MS4A13: variants seen among roughly 807,000 people sequenced by gnomAD.
MS4A13 encodes the protein membrane spanning 4-domains A13, also known as membrane-spanning 4-domains subfamily A member 13.
A neutral mutation model predicts 18.4 loss-of-function variants in MS4A13; 21 were observed. The observed-to-expected ratio is 1.14, with a 90% CI of 0.81 to 1.64. The LOEUF (loss-of-function observed/expected upper bound fraction) is 1.64. Among genes scored for constraint, MS4A13 ranks in the 40% most tolerant of loss-of-function variants. The pLI is 0.00. For missense variants in MS4A13, 173 were observed against 176.8 expected (o/e 0.98, Z 0.12); for synonymous variants, 62 against 57.2 (o/e 1.08, Z -0.38).
chr11:60,520,679 C>T (rs555569287), intron 3 of MS4A13, among the ~76,000 whole-genome samples: 4 of 152,342 alleles, frequency 2.6e-5, no homozygotes, highest in South Asian at 2.1e-4. Flanking sequence ...ATGGTGTAGC[C>T]CTGATCTGGC....
chr11:60,542,637 T>C lies in MS4A13; in HGVS notation c.*62T>C. The C allele has an allele frequency of 1.0e-6, 1 of 1,000,732 alleles. No individual in the cohort carries two copies. Among genetic ancestry groups the C allele is most frequent in the Non-Finnish European group, 1.5e-6 (1 of 671,256 alleles). The allele number at this position is 1,000,732 out of a possible 1,614,324, so 62.0% of individuals were successfully genotyped here. ...GCCTGGTGTGGGTCCTAATGATATC[T>C]CTGTATAACAAAGCAGTTACGAAGC... On this transcript the variant is annotated 3_prime_UTR_variant, in exon 7 of 7. Coordinates refer to ENST00000378186, the MANE Select transcript of MS4A13 (RefSeq NM_001012417.3).
chr11:60,538,060 G>A (rs868472999), intron 6 of MS4A13, among the ~76,000 whole-genome samples: 1 of 150,368 alleles, frequency 6.7e-6, no homozygotes, highest in Non-Finnish European at 1.5e-5. Flanking sequence ...ATGGCATTGG[G>A]AGATATACCT....
chr11:60,527,858 TA>T (rs1011638803), intron 5 of MS4A13, among the ~76,000 whole-genome samples: 5 of 151,716 alleles, frequency 3.3e-5, no homozygotes, highest in African/African-American at 4.8e-5. Flanking sequence ...ATTAAAAAAT[TA>T]AAAAAAATAA....
Position 60,518,154 on chromosome 11 carries a change from C to G in MS4A13, c.71C>G (p.Ala24Gly), listed in dbSNP as rs138544018. 136 of 1,611,660 alleles carry G rather than the reference C, an allele frequency of 8.4e-5. 1 individual carries two copies. The highest frequency in any genetic ancestry group is 4.1e-4 in the African/African-American group (31 of 74,942). Residue 24 changes from alanine (A) to glycine (G), a missense_variant, in exon 3 of 7, where the codon GCC becomes GGC. Coordinates refer to ENST00000378186, the MANE Select transcript of MS4A13 (RefSeq NM_001012417.3). The stretch of plus-strand genomic sequence containing the variant: ...TTGTATATGGGACAAATTAAAGGAG[C>G]CTTTGGAACGTATGAACCTGTAACT... ...LVLYMGQIKG[A>G]FGTYEPVTYK...
chr11:60,517,300 T>C (rs2086644214), intron 2 of MS4A13, among the ~76,000 whole-genome samples: 1 of 152,234 alleles, frequency 6.6e-6, no homozygotes. Flanking sequence ...ATTAAATAGC[T>C]TTCTGTTTAA....
intron 3 of MS4A13, among the ~76,000 whole-genome samples, chr11:60,519,055 G>C (rs1435484370): frequency 6.6e-6 from 1 of 152,148 alleles, no homozygotes; most frequent in Non-Finnish European, 1.5e-5. Flanking sequence ...ATGAGTAAAT[G>C]GGGGTGGGTA....
At position 60,529,711 on chromosome 11, in the gene MS4A13, G is replaced by A. The variant is rs867505810; in HGVS notation, c.402+251G>A. 6.6e-5 allele frequency among the ~76,000 whole-genome samples: 10 copies of A among 151,932 alleles called. No homozygotes were observed. In the East Asian group the frequency reaches 7.7e-4, roughly 12 times the overall value. On this transcript the variant is annotated intron_variant, in intron 6 of 6. Transcript: ENST00000378186. ...ATTTTTCTTTAATATAGTTCTCATC[G>A]TATCCACACATCCAATTCTATACAA...
intron 2 of MS4A13, among the ~76,000 whole-genome samples, 188 bp downstream of exon 2, chr11:60,516,272 G>A (rs1385735249): frequency 2.0e-5 from 3 of 151,762 alleles, no homozygotes; most frequent in Non-Finnish European, 4.4e-5. Context: ...TGAGATATGG[G>A]GATACAGACT....
chr11:60,517,515 A>G (rs2135245747), intron 2 of MS4A13, among the ~76,000 whole-genome samples: 1 of 152,314 alleles, frequency 6.6e-6, no homozygotes, highest in East Asian at 1.9e-4. Context: ...ACCGAGTTCA[A>G]GCGAGTCCAT....
At chr11:60,539,404 T>A (rs11230376) in intron 6 of MS4A13, among the ~76,000 whole-genome samples, 24,988 of 150,366 alleles carry the variant, frequency 0.17, 2,306 homozygotes, top group East Asian at 0.28. Flanking sequence ...TAAACAGACA[T>A]AAAGAGAGCA....
rs746610472 is a variant in MS4A13 at position 60,523,888 on chromosome 11, TA to T, written c.130-8del. 1 of 1,428,032 alleles carries T rather than the reference TA, an allele frequency of 7.0e-7. No homozygotes were observed. Among genetic ancestry groups the T allele is most frequent in the Non-Finnish European group, 9.9e-7 (1 of 1,014,024 alleles). 88.5% of individuals were successfully genotyped at this position (1,428,032 alleles called of 1,614,324 possible). A position where few individuals can be genotyped will look rare whatever the true frequency, so the allele number is the denominator to read the frequency against. Reference sequence around the variant, plus strand: ...CAATGAGTATTTATAAATATGTTTTTATATCCAGTTTATCATTGCAGGAGTC... The same window carrying T: ...CAATGAGTATTTATAAATATGTTTTTTATCCAGTTTATCATTGCAGGAGTC... On this transcript the variant is annotated splice_region_variant and splice_polypyrimidine_tract_variant and intron_variant, in intron 3 of 6. Coordinates refer to ENST00000378186, the MANE Select transcript of MS4A13 (RefSeq NM_001012417.3).
At chr11:60,543,294 T>C (rs1323058361), downstream of MS4A13, among the ~76,000 whole-genome samples, 1 of 152,180 alleles carries the variant, frequency 6.6e-6, no homozygotes, top group East Asian at 1.9e-4. Context: ...GTTTCACTAA[T>C]TGTTATCTAA....
chr11:60,517,115 T>C (rs1181513613), intron 2 of MS4A13, among the ~76,000 whole-genome samples: 2 of 151,848 alleles, frequency 1.3e-5, no homozygotes, highest in East Asian at 1.9e-4. Flanking sequence ...GCAAATTTGA[T>C]GCAAGGGGAA....
intron 5 of MS4A13, 83 bp downstream of exon 5, chr11:60,525,409 G>T: frequency 1.1e-6 from 1 of 887,182 alleles, no homozygotes; most frequent in Non-Finnish European, 1.6e-6. Context: ...GTAAGATGAG[G>T]CTTTTATTCG....
At chr11:60,517,913 T>G (rs2086647782) in intron 2 of MS4A13, among the ~76,000 whole-genome samples, 159 bp from the exon 3 acceptor site, 1 of 152,214 alleles carries the variant, frequency 6.6e-6, no homozygotes, top group African/African-American at 2.4e-5. Context: ...TGATCGGTCC[T>G]TTTTTCTGGG....
chr11:60,542,123 A>G (rs1432311395), intron 6 of MS4A13, among the ~76,000 whole-genome samples: 1 of 151,584 alleles, frequency 6.6e-6, no homozygotes, highest in African/African-American at 2.4e-5. Context: ...CCTTGAAAAA[A>G]AAAAAAAACC....
chr11:60,541,308 A>G (rs1245168928), intron 6 of MS4A13, among the ~76,000 whole-genome samples: 1 of 152,240 alleles, frequency 6.6e-6, no homozygotes, highest in African/African-American at 2.4e-5. Flanking sequence ...ATGCATTAAG[A>G]TAAACTTCCA....
At chr11:60,527,487 C>T (rs1248306520) in intron 5 of MS4A13, among the ~76,000 whole-genome samples, 1 of 148,994 alleles carries the variant, frequency 6.7e-6, no homozygotes, top group African/African-American at 2.5e-5. Context: ...CTCTGGCCAA[C>T]CTTTTGCCGC....
At chr11:60,520,109 C>A (rs566994884) in intron 3 of MS4A13, among the ~76,000 whole-genome samples, 8 of 152,114 alleles carry the variant, frequency 5.3e-5, no homozygotes, top group African/African-American at 1.9e-4. Context: ...TCTTATAGCT[C>A]CCATAATTCC....
Sources: allele counts gnomAD v4.1 joint callset (sites outside exome capture counted in the v4.1 genomes callset), GRCh38; gene constraint gnomAD v4.1.1; transcripts MANE v1.5; gene names NCBI Gene and HGNC (gene_info 2026-07-23, HGNC 2026-07-21).